Variants in RMDN1 observed in about 807,000 individuals in gnomAD.
RMDN1 encodes regulator of microtubule dynamics 1, also known as regulator of microtubule dynamics protein 1.
Under a neutral mutation model 48.9 loss-of-function variants are expected in RMDN1, and 48 were observed. The observed-to-expected ratio is 0.98, with a 90% confidence interval of 0.78 to 1.25. RMDN1 has a LOEUF of 1.25. Among genes scored for constraint, RMDN1 ranks in the 50% most tolerant of loss-of-function variants. The pLI, the probability that RMDN1 is intolerant of heterozygous loss-of-function variation, is 0.00. For missense variants in RMDN1, 418 were observed against 373.4 expected, an observed-to-expected ratio of 1.12 and a Z score of -0.98; for synonymous variants, 148 against 132.6, an observed-to-expected ratio of 1.12 and a Z score of -0.80.
Position 86,506,462 on chromosome 8 carries a change from G to T in RMDN1, c.247+533C>A, listed in dbSNP as rs75941365. On this transcript the variant is annotated intron_variant, in intron 2 of 9. Transcript: ENST00000406452. ...TTAGGGGGTCTCAATCTTTCCAACA[G>T]ACCATGTTCGAGATAGTATGAGTCA... Among the ~76,000 whole-genome samples, 78 of 152,234 alleles carry T rather than the reference G, an allele frequency of 5.1e-4. 1 individual carries two copies. In the Middle Eastern group the frequency reaches 0.02, roughly 40 times the overall value.
chr8:86,503,371 C>CAAAAAAAAAAAA (rs1182231210), intron 2 of RMDN1, among the ~76,000 whole-genome samples: 6 of 67,982 alleles, frequency 8.8e-5, no homozygotes, highest in East Asian at 4.2e-4. Flanking sequence ...CAAAACAAAA[C>CAAAAAAAAAAAA]AAAAAAAAAA....
rs1223563356 is a variant in RMDN1 at position 86,473,100 on chromosome 8, A to T, written c.*1208T>A. On this transcript the variant is annotated 3_prime_UTR_variant, in exon 10 of 10. Transcript: ENST00000406452. ...ATAAGGGATACACAACCTATATAGC[A>T]AAATCACTGAATCTAAGAGATGGGT... is the stretch of plus-strand genomic sequence containing the variant. The T allele has an allele frequency of 3.0e-6, 3 of 984,830 alleles. No individual in the cohort carries two copies. The highest frequency in any genetic ancestry group is 3.6e-6 in the Non-Finnish European group (3 of 829,370). 61.0% of individuals were successfully genotyped at this position (984,830 alleles called of 1,614,324 possible). A position where few individuals can be genotyped will look rare whatever the true frequency, so the allele number is the denominator to read the frequency against.
intron 6 of RMDN1, among the ~76,000 whole-genome samples, 153 bp downstream of exon 6, chr8:86,480,124 T>C (rs1201230971): frequency 3.3e-5 from 5 of 152,064 alleles, no homozygotes; most frequent in Non-Finnish European, 5.9e-5. Flanking sequence ...ACAATATATA[T>C]ACAAGGGCTA....
intron 2 of RMDN1, chr8:86,504,447 G>A: frequency 1.9e-6 from 3 of 1,561,176 alleles, no homozygotes; most frequent in Non-Finnish European, 2.6e-6. Context: ...TCAATGTTGT[G>A]TTCTATTACT....
intron 2 of RMDN1, among the ~76,000 whole-genome samples, chr8:86,494,382 C>T (rs1032835677): frequency 6.6e-6 from 1 of 151,998 alleles, no homozygotes; most frequent in African/African-American, 2.4e-5. Context: ...ATGGCAAAAC[C>T]CCGTCTCTAC....
intron 4 of RMDN1, among the ~76,000 whole-genome samples, chr8:86,485,977 C>T (rs1349949670): frequency 1.3e-5 from 2 of 152,140 alleles, no homozygotes; most frequent in Non-Finnish European, 2.9e-5. Flanking sequence ...ATGACCACCT[C>T]GTCTCCCCGT....
At chr8:86,504,661 G>C (rs1818992608) in intron 2 of RMDN1, 4 of 876,842 alleles carry the variant, frequency 4.6e-6, no homozygotes, top group Admixed American at 1.7e-5. Flanking sequence ...GAGTATAATG[G>C]GATGAGCTTT....
downstream of RMDN1, among the ~76,000 whole-genome samples, chr8:86,471,555 A>G (rs1203022051): frequency 6.6e-6 from 1 of 152,220 alleles, no homozygotes; most frequent in Non-Finnish European, 1.5e-5. Context: ...ATGACTGGCT[A>G]AAATCAGGAA....
Position 86,488,572 on chromosome 8 carries a change from C to A in RMDN1, c.315G>T (p.Leu105Phe), listed in dbSNP as rs777374497. The A allele has an allele frequency of 6.8e-6, 11 of 1,609,420 alleles. No individual in the cohort carries two copies. In the South Asian group the frequency reaches 1.2e-4, roughly 18 times the overall value. ...ESGETEKLYQ[L>F]LTQYKESEDA... ...CTTACCTTTCCTTGTATTGGGTTAG[C>A]AACTGATAAAGTTTTTCTGTTTCTC... The change falls in exon 3 of 10, where the codon TTG (leucine) becomes TTT (phenylalanine). Residue 105 changes from leucine to phenylalanine, a missense_variant. Transcript: ENST00000406452.
At chr8:86,509,676 A>C (rs1269228460), upstream of RMDN1, among the ~76,000 whole-genome samples, 1 of 152,142 alleles carries the variant, frequency 6.6e-6, no homozygotes. Flanking sequence ...AAAAACTGTA[A>C]CTCAAAGAGA....
intron 2 of RMDN1, among the ~76,000 whole-genome samples, chr8:86,506,367 T>A (rs973599238): frequency 6.6e-6 from 1 of 152,234 alleles, no homozygotes; most frequent in Non-Finnish European, 1.5e-5. Flanking sequence ...AGGTGTGTTG[T>A]TGCCTTTAGG....
chr8:86,509,254 G>C (rs1819910069), upstream of RMDN1, among the ~76,000 whole-genome samples: 1 of 152,136 alleles, frequency 6.6e-6, no homozygotes. Context: ...AAAGGATACT[G>C]ATGCCCTTGA....
upstream of RMDN1, among the ~76,000 whole-genome samples, chr8:86,510,994 T>C (rs1820024095): frequency 6.6e-6 from 1 of 152,060 alleles, no homozygotes; most frequent in East Asian, 1.9e-4. Flanking sequence ...GTTTGTTTTT[T>C]GTTTTTGTTT....
At chr8:86,489,645 C>T (rs1816136401) in intron 2 of RMDN1, among the ~76,000 whole-genome samples, 1 of 152,096 alleles carries the variant, frequency 6.6e-6, no homozygotes, top group Non-Finnish European at 1.5e-5. Context: ...GCCTAGCCAA[C>T]ATGGTGAAAC....
At chr8:86,480,437 G>A (rs1814184135) in intron 5 of RMDN1, 105 bp from the exon 6 acceptor site, 2 of 555,398 alleles carry the variant, frequency 3.6e-6, no homozygotes, top group East Asian at 6.0e-5. Flanking sequence ...ATGCAACTGT[G>A]TGTTTCAGTT....
chr8:86,494,439 C>A lies in RMDN1; in HGVS notation c.248-5800G>T, dbSNP rs566729427. Among the ~76,000 whole-genome samples the A allele has an allele frequency of 3.6e-4, 54 of 152,068 alleles. 1 individual carries two copies. Among genetic ancestry groups the A allele is most frequent in the Non-Finnish European group, 6.8e-4 (46 of 68,020 alleles). On this transcript the variant is annotated intron_variant, in intron 2 of 9. Transcript: ENST00000406452. ...GGCATGGTGACACATGCCTGTAGTCCCAGCTACTAGGGAGGCCGAGGCAGG... is the reference window on the plus strand; with the variant it reads ...GGCATGGTGACACATGCCTGTAGTCACAGCTACTAGGGAGGCCGAGGCAGG...
At chr8:86,476,493 T>G (rs1813399284) in intron 8 of RMDN1, among the ~76,000 whole-genome samples, 1 of 152,202 alleles carries the variant, frequency 6.6e-6, no homozygotes, top group African/African-American at 2.4e-5. Context: ...CTATTTGGTA[T>G]CATATGCTTA....
intron 2 of RMDN1, among the ~76,000 whole-genome samples, chr8:86,491,153 T>TA (rs1343679348): frequency 2.6e-5 from 4 of 151,936 alleles, no homozygotes; most frequent in African/African-American, 9.7e-5. Flanking sequence ...TTTATTTATT[T>TA]GAGATGGAGT....
chr8:86,491,885 T>C (rs564106858), intron 2 of RMDN1, among the ~76,000 whole-genome samples: 7 of 152,308 alleles, frequency 4.6e-5, no homozygotes, highest in Admixed American at 2.6e-4. Flanking sequence ...GCAAGATAAA[T>C]AGCTATATTC....
Sources: allele counts gnomAD v4.1 joint callset (sites outside exome capture counted in the v4.1 genomes callset), GRCh38; gene constraint gnomAD v4.1.1; transcripts MANE v1.5; gene names NCBI Gene and HGNC (gene_info 2026-07-23, HGNC 2026-07-21).